Variants in NBEAL1 observed in about 807,000 individuals in gnomAD.
NBEAL1 encodes the protein neurobeachin like 1, also known as neurobeachin-like protein 1.
NBEAL1 carries 273 observed loss-of-function variants against 351.3 expected under a neutral mutation model. The observed-to-expected ratio is 0.78, with a 90% CI of 0.70 to 0.86. The LOEUF is 0.86. Among genes scored for constraint, NBEAL1 ranks in the 40% least tolerant of loss-of-function variants. The pLI is 0.00. For synonymous variants in NBEAL1, 1,050 were observed against 1,086.4 expected (o/e 0.97, Z 0.66); for missense variants, 2,961 against 3,201.3 (o/e 0.92, Z 1.81).
intron 27 of NBEAL1, among the ~76,000 whole-genome samples, chr2:203,133,394 C>G (rs2063119419): frequency 6.6e-6 from 1 of 151,868 alleles, no homozygotes; most frequent in Admixed American, 6.6e-5. Flanking sequence ...AAATGTATTA[C>G]CAGAGAATAA....
At chr2:203,176,444 G>A (rs570603075) in intron 42 of NBEAL1, among the ~76,000 whole-genome samples, 42 of 152,024 alleles carry the variant, frequency 2.8e-4, no homozygotes, top group Non-Finnish European at 5.6e-4. Flanking sequence ...AGTAAAGTAG[G>A]CCAGGTGTGG....
At chr2:203,040,293 G>C in intron 2 of NBEAL1, 1 of 771,824 alleles carries the variant, frequency 1.3e-6, no homozygotes, top group South Asian at 1.4e-5. Context: ...CCTGGAGGCA[G>C]AAATGTGACA....
intron 51 of NBEAL1, 68 bp downstream of exon 51, chr2:203,202,849 C>A: frequency 1.2e-6 from 1 of 850,048 alleles, no homozygotes. Context: ...GCAAAATGTT[C>A]TACTAGGACA....
At chr2:203,021,956 C>T (rs1377899775) in intron 2 of NBEAL1, among the ~76,000 whole-genome samples, 2 of 151,042 alleles carry the variant, frequency 1.3e-5, no homozygotes, top group African/African-American at 4.9e-5. Context: ...GAGGCTGAGG[C>T]AGGAGAATCA....
chr2:203,208,591 G>A, intron 51 of NBEAL1, 46 bp from the exon 52 acceptor site: 1 of 1,386,976 alleles, frequency 7.2e-7, no homozygotes, highest in Non-Finnish European at 1.0e-6. Flanking sequence ...TGAAAAACAG[G>A]AAACAAGAAA....
In NBEAL1 at chr2:203,149,015, C is replaced by G; in HGVS notation, c.5329C>G (p.Arg1777Gly). 6.2e-7 allele frequency: 1 copy of G among 1,607,866 alleles called. No homozygotes were observed. The highest frequency in any genetic ancestry group is 8.5e-7 in the Non-Finnish European group (1 of 1,176,606). The change falls in exon 34 of 56, where the codon CGA becomes GGA. Residue 1777 changes from arginine (R) to glycine (G), a missense_variant. Physicochemically the swap from Arg to Gly is moderately radical, Grantham distance 125. Transcript: ENST00000683969. ...FQELFVEPFN[R>G]KARQENLRYN... ...GGAGCTGTTTGTGGAGCCATTTAAT[C>G]GAAAAGCACGCCAAGAGAACCTGAG...
chr2:203,079,244 AATTTTTGT>A (rs1013097415), intron 8 of NBEAL1, among the ~76,000 whole-genome samples: 5 of 151,990 alleles, frequency 3.3e-5, no homozygotes, highest in Non-Finnish European at 5.9e-5. Flanking sequence ...ACACTCAGCT[AATTTTTGT>A]ATTTTTGTAT....
At chr2:203,204,299 G>T (rs1225653848) in intron 51 of NBEAL1, among the ~76,000 whole-genome samples, 1 of 140,694 alleles carries the variant, frequency 7.1e-6, no homozygotes, top group Admixed American at 7.1e-5. Context: ...TAATTTATAT[G>T]TTAATTTGGT....
Position 203,209,307 on chromosome 2 carries a change from A to G in NBEAL1, c.7770A>G (p.Glu2590=). 1 of 1,613,764 alleles carries G rather than the reference A, an allele frequency of 6.2e-7. No individual in the cohort carries two copies. Among genetic ancestry groups the G allele is most frequent in the Middle Eastern group, 1.7e-4 (1 of 6,060 alleles). Reference sequence around the variant, plus strand: ...TTGTTGTCTACTCCAGCACTGAAGAAAAGACCACCCTCAAGGTATATGACC... The same window carrying G: ...TTGTTGTCTACTCCAGCACTGAAGAGAAGACCACCCTCAAGGTATATGACC... ...GHIVVYSSTE[E]KTTLKDKNAL... The change falls in exon 53 of 56, where the codon GAA becomes GAG. Residue 2590 remains glutamate, a synonymous_variant. Coordinates refer to ENST00000683969, the MANE Select transcript of NBEAL1 (RefSeq NM_001378026.1).
chr2:203,194,941 T>TA (rs1324374022), intron 47 of NBEAL1, among the ~76,000 whole-genome samples: 4 of 152,188 alleles, frequency 2.6e-5, no homozygotes, highest in Non-Finnish European at 4.4e-5. Context: ...CTCACGCCTG[T>TA]AATCCCAGCA....
intron 48 of NBEAL1, among the ~76,000 whole-genome samples, chr2:203,197,914 AAAAT>A (rs950585111): frequency 1.3e-5 from 2 of 151,918 alleles, no homozygotes; most frequent in African/African-American, 2.4e-5. Flanking sequence ...CTTCTAAATA[AAAAT>A]AAATAAATAA....
chr2:203,032,722 T>C (rs1448718617), intron 2 of NBEAL1, among the ~76,000 whole-genome samples: 2 of 124,058 alleles, frequency 1.6e-5, no homozygotes, highest in East Asian at 2.9e-4. Flanking sequence ...TGGAGTGCAA[T>C]GGTGCCATCT....
chr2:203,069,317 G>C (rs1190964809), intron 7 of NBEAL1, among the ~76,000 whole-genome samples: 1 of 152,132 alleles, frequency 6.6e-6, no homozygotes, highest in Non-Finnish European at 1.5e-5. Flanking sequence ...GACTCTGCTT[G>C]ACCACCAGTA....
intron 19 of NBEAL1, among the ~76,000 whole-genome samples, chr2:203,124,091 C>T (rs2062886484): frequency 6.6e-6 from 1 of 152,188 alleles, no homozygotes; most frequent in Non-Finnish European, 1.5e-5. Context: ...AATCCCAGTA[C>T]TTTGGGAGGC....
chr2:203,016,382 A>T lies in NBEAL1; in HGVS notation c.-3A>T, dbSNP rs1484437311. The T allele has an allele frequency of 3.4e-6, 5 of 1,484,476 alleles. No individual in the cohort carries two copies. In the South Asian group the frequency reaches 6.7e-5, roughly 20 times the overall value. The allele number at this position is 1,484,476 out of a possible 1,614,324, so 92.0% of individuals were successfully genotyped here. A position where few individuals can be genotyped will look rare whatever the true frequency, so the allele number is the denominator to read the frequency against. ...AACTTAAAGTGCCAGAGTGAAAGCC[A>T]GAATGGCATCCAGAGAGAGGCTCTT... is the stretch of plus-strand genomic sequence containing the variant. On this transcript the variant is annotated 5_prime_UTR_variant, in exon 2 of 56. Transcript: ENST00000683969.
chr2:203,143,279 T>C (rs995521282), intron 31 of NBEAL1, among the ~76,000 whole-genome samples: 1 of 152,226 alleles, frequency 6.6e-6, no homozygotes, highest in African/African-American at 2.4e-5. Context: ...AGTAGTAGTA[T>C]ACAGTATTTC....
At chr2:203,099,371 T>C (rs1036742979) in intron 11 of NBEAL1, among the ~76,000 whole-genome samples, 6 of 152,280 alleles carry the variant, frequency 3.9e-5, no homozygotes, top group Non-Finnish European at 5.9e-5. Flanking sequence ...AAGCATGTGT[T>C]AAGCTTGTTT....
intron 34 of NBEAL1, among the ~76,000 whole-genome samples, chr2:203,150,866 A>T (rs1268855997): frequency 1.3e-5 from 2 of 152,220 alleles, no homozygotes; most frequent in African/African-American, 4.8e-5. Context: ...CAAGTCTGAA[A>T]GTCCATGTTC....
At chr2:203,065,519 G>A (rs982046558) in intron 6 of NBEAL1, among the ~76,000 whole-genome samples, 13 of 152,162 alleles carry the variant, frequency 8.5e-5, no homozygotes, top group African/African-American at 1.7e-4. Context: ...TTGGGAGGCC[G>A]AGGCGGGTGG....
Sources: gnomAD v4.1 joint callset for allele counts (sites outside exome capture counted in the v4.1 genomes callset) on GRCh38, gnomAD v4.1.1 for gene constraint, MANE v1.5 for transcripts, NCBI Gene and HGNC (gene_info 2026-07-23, HGNC 2026-07-21) for gene names.